The following MYO3B variants were observed in gnomAD, a reference collection of about 807,000 sequenced individuals.
MYO3B encodes myosin IIIB, also known as myosin-IIIb.
A neutral mutation model predicts 174.6 loss-of-function variants in MYO3B; 156 were observed. The ratio of observed to expected loss-of-function variants is 0.89; its 90% CI spans 0.78 to 1.02. The LOEUF is 1.02. Among genes scored for constraint, MYO3B ranks in the 50% least tolerant of loss-of-function variants. MYO3B has a pLI of 0.00. For synonymous variants in MYO3B, 563 were observed against 569.1 expected (o/e 0.99, Z 0.15); for missense variants, 1,632 against 1,639.4 (o/e 1.00, Z 0.08).
chr2:170,508,431 C>A (rs1027080212), intron 28 of MYO3B, among the ~76,000 whole-genome samples: 8 of 152,062 alleles, frequency 5.3e-5, no homozygotes, highest in African/African-American at 1.9e-4. Context: ...AGTAAAGAAA[C>A]GTTTAGGGGA....
chr2:170,289,177 G>A (rs2093578426), intron 7 of MYO3B, among the ~76,000 whole-genome samples: 4 of 151,982 alleles, frequency 2.6e-5, no homozygotes, highest in Non-Finnish European at 5.9e-5. Context: ...TTTGTTGTTT[G>A]TTGTGTCCTT....
At chr2:170,216,958 C>T (rs1238966406) in intron 5 of MYO3B, among the ~76,000 whole-genome samples, 1 of 151,646 alleles carries the variant, frequency 6.6e-6, no homozygotes, top group African/African-American at 2.4e-5. Flanking sequence ...GCAACTACAG[C>T]TAGTGAGCCA....
Position 170,392,445 on chromosome 2 carries a change from C to G in MYO3B, c.1741C>G (p.Gln581Glu), listed in dbSNP as rs1432478254. The G allele has an allele frequency of 3.1e-6, 5 of 1,598,176 alleles. No individual in the cohort carries two copies. Among genetic ancestry groups the G allele is most frequent in the Non-Finnish European group, 4.3e-6 (5 of 1,170,210 alleles). The change falls in exon 16 of 35, where the codon CAA becomes GAA. Residue 581 changes from glutamine (Q) to glutamate (E), a missense_variant. Coordinates refer to ENST00000408978, the MANE Select transcript of MYO3B (RefSeq NM_138995.5). ...AACTTCCAAGGAGTCTTACAGAAGA[C>G]AATTCGAAGCAATTCAGCATTGCTT... ...DITSKESYRR[Q>E]FEAIQHCFRI... is the part of the protein sequence containing the mutation.
chr2:170,409,458 C>G (rs1042508061), intron 22 of MYO3B, among the ~76,000 whole-genome samples: 9 of 152,196 alleles, frequency 5.9e-5, no homozygotes, highest in Admixed American at 3.9e-4. Flanking sequence ...ACGTGATGTA[C>G]CAATAGGCTT....
At chr2:170,425,522 C>T (rs961804050) in intron 22 of MYO3B, among the ~76,000 whole-genome samples, 17 of 152,300 alleles carry the variant, frequency 1.1e-4, no homozygotes, top group South Asian at 4.1e-4. Flanking sequence ...CTTTGCATTT[C>T]GCAAGGGACT....
intron 32 of MYO3B, among the ~76,000 whole-genome samples, chr2:170,645,559 C>T (rs1575331773): frequency 1.3e-5 from 2 of 151,974 alleles, no homozygotes. Context: ...GGTAACTATC[C>T]GATAACCATA....
chr2:170,272,724 G>A (rs1056844294), intron 7 of MYO3B, among the ~76,000 whole-genome samples: 2 of 152,172 alleles, frequency 1.3e-5, no homozygotes, highest in African/African-American at 4.8e-5. Context: ...CTGTATTAAT[G>A]CTATTATTGT....
In MYO3B at chr2:170,214,819, G is replaced by A. The variant is rs756085146; in HGVS notation, c.517G>A (p.Val173Ile). 5 of 1,612,628 alleles carry A rather than the reference G, an allele frequency of 3.1e-6. No individual in the cohort carries two copies. The highest frequency in any genetic ancestry group is 2.2e-5 in the East Asian group (1 of 44,860). Residue 173 changes from valine (V) to isoleucine (I), a missense_variant, in exon 5 of 35, where the codon GTT becomes ATT. Val to Ile is a conservative substitution (Grantham distance 29, BLOSUM62 3). Coordinates refer to ENST00000408978, the MANE Select transcript of MYO3B (RefSeq NM_138995.5). ...GACAACAGAAGGAGGAGTTAAGCTC[G>A]TTGACTTTGGTAATGACTGCTTGTC... is the stretch of plus-strand genomic sequence containing the variant. Reference protein sequence around the residue: ...LLTTEGGVKLVDFGVSAQLTS... With the variant: ...LLTTEGGVKLIDFGVSAQLTS...
At chr2:170,237,441 T>TTCC (rs918659729) in intron 7 of MYO3B, among the ~76,000 whole-genome samples, 2 of 152,132 alleles carry the variant, frequency 1.3e-5, no homozygotes, top group African/African-American at 4.8e-5. Flanking sequence ...CTATATTTTT[T>TTCC]TCCTTTCTTG....
chr2:170,491,255 T>G (rs900755531), intron 25 of MYO3B, among the ~76,000 whole-genome samples: 40 of 152,176 alleles, frequency 2.6e-4, no homozygotes, highest in Non-Finnish European at 4.9e-4. Flanking sequence ...TTTATTTAAT[T>G]TAAAGTACTT....
chr2:170,288,392 C>T (rs924344504), intron 7 of MYO3B, among the ~76,000 whole-genome samples: 3 of 151,784 alleles, frequency 2.0e-5, no homozygotes, highest in Non-Finnish European at 4.4e-5. Context: ...GTATCCTCTT[C>T]GATTTCTTTC....
intron 25 of MYO3B, among the ~76,000 whole-genome samples, chr2:170,497,575 G>A (rs370576756): frequency 5.5e-4 from 84 of 151,456 alleles, no homozygotes; most frequent in African/African-American, 1.8e-3. Flanking sequence ...CTGAGATCGC[G>A]CCACTGCACT....
intron 32 of MYO3B, among the ~76,000 whole-genome samples, chr2:170,618,594 C>G (rs1416221997): frequency 3.9e-5 from 6 of 152,132 alleles, no homozygotes; most frequent in African/African-American, 1.4e-4. Flanking sequence ...CCAGGCAGAT[C>G]AGCAGGTTGG....
Position 170,635,423 on chromosome 2 carries a change from G to A in MYO3B, c.3734-16205G>A, listed in dbSNP as rs540069064. Among the ~76,000 whole-genome samples, 7 of 152,172 alleles carry A rather than the reference G, an allele frequency of 4.6e-5. No homozygotes were observed. The South Asian group carries it at 8.3e-4, about 18-fold the overall frequency. On this transcript the variant is annotated intron_variant, in intron 32 of 34. Transcript: ENST00000408978. ...TGGGAATTGAACAGTGAGTACACTCGGACACAGTAAGAGGAACATCACACA... is the reference window on the plus strand; with the variant it reads ...TGGGAATTGAACAGTGAGTACACTCAGACACAGTAAGAGGAACATCACACA...
chr2:170,649,513 A>C (rs896889621), intron 32 of MYO3B, among the ~76,000 whole-genome samples: 2 of 141,622 alleles, frequency 1.4e-5, no homozygotes, highest in Non-Finnish European at 3.0e-5. Context: ...ACTTTAAAAA[A>C]CATTTCTTCT....
At chr2:170,352,775 G>A (rs765139422) in intron 8 of MYO3B, among the ~76,000 whole-genome samples, 60 of 152,284 alleles carry the variant, frequency 3.9e-4, no homozygotes, top group Middle Eastern at 3.4e-3. Context: ...TTGTTTACTC[G>A]TTTGGGATAG....
At chr2:170,214,929 A>C (rs1053536595) in intron 5 of MYO3B, 101 bp downstream of exon 5, 10 of 853,790 alleles carry the variant, frequency 1.2e-5, no homozygotes, top group Non-Finnish European at 1.7e-5. Flanking sequence ...GCTACACCAT[A>C]GGCTGAGGGA....
intron 7 of MYO3B, among the ~76,000 whole-genome samples, chr2:170,287,354 C>G (rs1280789671): frequency 4.0e-5 from 6 of 151,600 alleles, no homozygotes; most frequent in East Asian, 1.9e-4. Flanking sequence ...AACAGGGTAT[C>G]AGGGTTCTCT....
intron 22 of MYO3B, among the ~76,000 whole-genome samples, chr2:170,432,697 C>T (rs2094720400): frequency 6.6e-6 from 1 of 152,014 alleles, no homozygotes; most frequent in South Asian, 2.1e-4. Context: ...CTGCGTCAGC[C>T]TCCCAAGTAG....
Sources: allele counts gnomAD v4.1 joint callset (sites outside exome capture counted in the v4.1 genomes callset), GRCh38; gene constraint gnomAD v4.1.1; transcripts MANE v1.5; gene names NCBI Gene and HGNC (gene_info 2026-07-23, HGNC 2026-07-21).